CACNG3: variants seen among roughly 807,000 people sequenced by gnomAD.
CACNG3 encodes calcium voltage-gated channel auxiliary subunit gamma 3.
A neutral mutation model predicts 28.5 loss-of-function variants in CACNG3; 3 were observed. That is an observed-to-expected ratio of 0.11 (90% CI 0.05 to 0.27). The LOEUF (loss-of-function observed/expected upper bound fraction) is 0.27. Ranked by LOEUF, CACNG3 falls within the 10% of genes least tolerant of loss-of-function variation. The pLI is 1.00. For synonymous variants in CACNG3, 174 were observed against 162.2 expected (o/e 1.07, Z -0.55); for missense variants, 236 against 414.4 (o/e 0.57, Z 3.74).
At position 24,359,757 on chromosome 16, in the gene CACNG3, G is replaced by A. The variant is rs369058311; in HGVS notation, c.437-1595G>A. On this transcript the variant is annotated intron_variant, in intron 3 of 3. Coordinates refer to ENST00000005284, the MANE Select transcript of CACNG3 (RefSeq NM_006539.4). The stretch of plus-strand genomic sequence containing the variant: ...ACATACCTGTAGTCCCAGCTATTCA[G>A]GAGGCTGAGGAGGGAAGATGCCTTT... Among the ~76,000 whole-genome samples the A allele has an allele frequency of 7.2e-4, 109 of 152,222 alleles. 1 individual carries two copies. In the South Asian group the frequency reaches 0.022, roughly 31 times the overall value.
chr16:24,343,912 A>G (rs1448586618), intron 1 of CACNG3, among the ~76,000 whole-genome samples: 1 of 151,834 alleles, frequency 6.6e-6, no homozygotes, highest in East Asian at 1.9e-4. Context: ...ACACAGTGAA[A>G]CCCCGTCTCT....
intron 1 of CACNG3, among the ~76,000 whole-genome samples, chr16:24,301,641 A>G (rs1596634043): frequency 6.6e-6 from 1 of 152,094 alleles, no homozygotes; most frequent in East Asian, 1.9e-4. Flanking sequence ...TCCTGGGGCT[A>G]TGGGGATTGG....
chr16:24,306,310 G>C (rs1899184722), intron 1 of CACNG3, among the ~76,000 whole-genome samples: 6 of 152,212 alleles, frequency 3.9e-5, no homozygotes, highest in Admixed American at 3.9e-4. Context: ...TTTGCCTCCT[G>C]GCTGCTGAAG....
rs370359121 is a variant in CACNG3 at position 24,256,990 on chromosome 16, C to T, written c.211+25C>T. On this transcript the variant is annotated intron_variant, in intron 1 of 3. Transcript: ENST00000005284. The surrounding 1 kb of genome is among the most constrained non-coding windows in gnomAD (Gnocchi z 4.6). The stretch of plus-strand genomic sequence containing the variant: ...GGTATTTACAATTTCCTCTCAATAG[C>T]TCTGAATAATCCAGTTCTGATATTC... 5.8e-5 allele frequency: 80 copies of T among 1,388,196 alleles called. No homozygotes were observed. The highest frequency in any genetic ancestry group is 7.9e-5 in the Non-Finnish European group (77 of 974,348). The allele number at this position is 1,388,196 out of a possible 1,614,324, so 86.0% of individuals were successfully genotyped here. A position where few individuals can be genotyped will look rare whatever the true frequency, so the allele number is the denominator to read the frequency against.
chr16:24,357,345 C>T, intron 3 of CACNG3, among the ~76,000 whole-genome samples: 1 of 151,938 alleles, frequency 6.6e-6, no homozygotes, highest in East Asian at 1.9e-4. Context: ...TGGCTCCACC[C>T]TTTACACATG....
chr16:24,314,309 G>A (rs978313532), intron 1 of CACNG3, among the ~76,000 whole-genome samples: 4 of 152,160 alleles, frequency 2.6e-5, no homozygotes, highest in East Asian at 3.9e-4. Flanking sequence ...TGAAGCCAGA[G>A]ACGCTTCTCA....
chr16:24,296,061 C>T (rs1159387843), intron 1 of CACNG3, among the ~76,000 whole-genome samples: 1 of 152,198 alleles, frequency 6.6e-6, no homozygotes, highest in Non-Finnish European at 1.5e-5. Flanking sequence ...AGGTGCATCA[C>T]ACCAAAATAA....
At chr16:24,355,281 T>C (rs1900014780) in intron 3 of CACNG3, among the ~76,000 whole-genome samples, 2 of 152,188 alleles carry the variant, frequency 1.3e-5, no homozygotes, top group Admixed American at 1.3e-4. Context: ...TATAAGAGTG[T>C]ACATACATGC....
intron 1 of CACNG3, among the ~76,000 whole-genome samples, chr16:24,327,436 G>GTGTGTGTT (rs1899567556): frequency 3.0e-5 from 2 of 67,210 alleles, no homozygotes; most frequent in Non-Finnish European, 5.8e-5. Context: ...GTGTGTGTGT[G>GTGTGTGTT]TGTATATATA....
intron 2 of CACNG3, among the ~76,000 whole-genome samples, chr16:24,347,483 C>G (rs1486171539): frequency 6.6e-6 from 1 of 152,174 alleles, no homozygotes; most frequent in Non-Finnish European, 1.5e-5. Flanking sequence ...GGAACTTTCT[C>G]TAACTTGAAT....
chr16:24,288,757 C>T (rs1372561232), intron 1 of CACNG3, among the ~76,000 whole-genome samples: 1 of 152,130 alleles, frequency 6.6e-6, no homozygotes, highest in Non-Finnish European at 1.5e-5. Flanking sequence ...CACACATCCC[C>T]AGCTCGTTAG....
chr16:24,295,204 C>G (rs1445266514), intron 1 of CACNG3, among the ~76,000 whole-genome samples: 1 of 152,164 alleles, frequency 6.6e-6, no homozygotes, highest in Non-Finnish European at 1.5e-5. Context: ...CAGCTTTCTC[C>G]AGACTTGCCG....
chr16:24,268,962 C>A (rs1290137054), intron 1 of CACNG3, among the ~76,000 whole-genome samples: 1 of 152,172 alleles, frequency 6.6e-6, no homozygotes, highest in Non-Finnish European at 1.5e-5. Flanking sequence ...AATCTGCAGC[C>A]AGGTTCTCAT....
At chr16:24,257,721 T>C (rs1160270805) in intron 1 of CACNG3, among the ~76,000 whole-genome samples, 1 of 152,206 alleles carries the variant, frequency 6.6e-6, no homozygotes, top group Non-Finnish European at 1.5e-5. Context: ...AAAAGGTATT[T>C]CCATGACATT....
chr16:24,317,610 G>C (rs1306206640), intron 1 of CACNG3, among the ~76,000 whole-genome samples: 2 of 66,590 alleles, frequency 3.0e-5, no homozygotes, highest in Non-Finnish European at 5.8e-5. Flanking sequence ...AAGAAAGAAA[G>C]AAAGAAAGAA....
In CACNG3 at chr16:24,256,680, C is replaced by A; in HGVS notation, c.-75C>A. ...GAAGAGCCTGTACTAGGTTACCCGGCTGCAGAGTGATTTTCCCCTCCGGCA... is the reference window on the plus strand; with the variant it reads ...GAAGAGCCTGTACTAGGTTACCCGGATGCAGAGTGATTTTCCCCTCCGGCA... On this transcript the variant is annotated 5_prime_UTR_variant, in exon 1 of 4. It adds an upstream start codon to the 5' untranslated region. Transcript: ENST00000005284. This position sits in a 1 kb window ranked among gnomAD's most constrained non-coding sequence, Gnocchi z 4.6. 1 of 976,710 alleles carries A rather than the reference C, an allele frequency of 1.0e-6. No homozygotes were observed. The highest frequency in any genetic ancestry group is 1.7e-6 in the Non-Finnish European group (1 of 601,730). The allele number at this position is 976,710 out of a possible 1,614,324, so 60.5% of individuals were successfully genotyped here.
intron 1 of CACNG3, among the ~76,000 whole-genome samples, chr16:24,332,923 T>G (rs763242619): frequency 7.9e-5 from 12 of 152,086 alleles, no homozygotes; most frequent in Non-Finnish European, 1.5e-4. Flanking sequence ...CGTGATGTGT[T>G]AACCACGGGT....
At chr16:24,328,647 T>G (rs1162719294) in intron 1 of CACNG3, among the ~76,000 whole-genome samples, 1 of 151,958 alleles carries the variant, frequency 6.6e-6, no homozygotes, top group Non-Finnish European at 1.5e-5. Flanking sequence ...ATCGTAAGCT[T>G]AGCAAAGAAA....
intron 2 of CACNG3, among the ~76,000 whole-genome samples, chr16:24,349,016 T>C (rs796320656): frequency 1.4e-4 from 21 of 152,308 alleles, no homozygotes; most frequent in African/African-American, 5.1e-4. Flanking sequence ...AGCAGCAGAA[T>C]TGGGCTAAGG....
Sources: allele counts gnomAD v4.1 joint callset (sites outside exome capture counted in the v4.1 genomes callset), GRCh38; gene constraint gnomAD v4.1.1; non-coding constraint Gnocchi (gnomAD v3.1); transcripts MANE v1.5; gene names NCBI Gene and HGNC (gene_info 2026-07-23, HGNC 2026-07-21).